The following SPIRE1 variants were observed in gnomAD, a reference collection of about 807,000 sequenced individuals.
The protein encoded by SPIRE1 is spire type actin nucleation factor 1.
SPIRE1 carries 40 observed loss-of-function variants against 94.1 expected under a neutral mutation model. That is an observed-to-expected ratio of 0.43 (90% CI 0.33 to 0.55). The LOEUF is 0.55. SPIRE1 is among the 20% of genes least tolerant of loss of function. The probability of loss-of-function intolerance (pLI) is 0.06; values close to 1 mark genes in which losing one functional copy is unlikely to be tolerated. For synonymous variants in SPIRE1, 376 were observed against 371.7 expected (o/e 1.01, Z -0.13); for missense variants, 838 against 975.2 (o/e 0.86, Z 1.87).
At chr18:12,554,957 C>A (rs1024845136) in intron 2 of SPIRE1, among the ~76,000 whole-genome samples, 1 of 152,140 alleles carries the variant, frequency 6.6e-6, no homozygotes, top group African/African-American at 2.4e-5. Flanking sequence ...CTGAAACTTA[C>A]CAGATCACTG....
At chr18:12,450,876 A>G in intron 16 of SPIRE1, 1 of 725,096 alleles carries the variant, frequency 1.4e-6, no homozygotes, top group Non-Finnish European at 2.5e-6. Context: ...TACACCACTA[A>G]GGCGGCAAAG....
chr18:12,574,035 G>A (rs915772306), intron 2 of SPIRE1, among the ~76,000 whole-genome samples: 2 of 152,072 alleles, frequency 1.3e-5, no homozygotes, highest in African/African-American at 4.8e-5. Context: ...CACCGCTCCC[G>A]GCCGACTTTT....
At chr18:12,633,950 T>C (rs1470881152) in intron 2 of SPIRE1, among the ~76,000 whole-genome samples, 2 of 152,030 alleles carry the variant, frequency 1.3e-5, no homozygotes, top group African/African-American at 4.8e-5. Context: ...ATTAAATTAT[T>C]AAAAAATAAT....
chr18:12,617,595 G>A (rs913650401), intron 2 of SPIRE1, among the ~76,000 whole-genome samples: 1 of 152,114 alleles, frequency 6.6e-6, no homozygotes, highest in African/African-American at 2.4e-5. Flanking sequence ...ATTTTTAGTA[G>A]AGACGGGGTT....
Position 12,601,169 on chromosome 18 carries a change from C to T in SPIRE1, c.372+33893G>A, listed in dbSNP as rs565531806. 3.4e-3 allele frequency among the ~76,000 whole-genome samples: 521 copies of T among 152,042 alleles called. 3 individuals carry two copies. Among genetic ancestry groups the T allele is most frequent in the African/African-American group, 0.012 (498 of 41,446 alleles). ...GGTGCGGTGGCTCACGCCTGTAATC[C>T]CAGCACTCTGGGAGGCCGCGGCAGG... On this transcript the variant is annotated intron_variant, in intron 2 of 16. Coordinates refer to ENST00000409402, the MANE Select transcript of SPIRE1 (RefSeq NM_001128626.2).
intron 3 of SPIRE1, among the ~76,000 whole-genome samples, chr18:12,543,597 G>T (rs2035071544): frequency 6.6e-6 from 1 of 151,984 alleles, no homozygotes; most frequent in Non-Finnish European, 1.5e-5. Flanking sequence ...AATAGAAGGG[G>T]GATATAAAGG....
chr18:12,514,001 G>A (rs2034119110), intron 4 of SPIRE1, among the ~76,000 whole-genome samples: 1 of 151,954 alleles, frequency 6.6e-6, no homozygotes, highest in Admixed American at 6.6e-5. Flanking sequence ...GCACCCCTAT[G>A]CCTGGCTAAT....
chr18:12,529,053 G>T (rs528319399), intron 4 of SPIRE1, among the ~76,000 whole-genome samples: 1 of 152,244 alleles, frequency 6.6e-6, no homozygotes, highest in Non-Finnish European at 1.5e-5. Flanking sequence ...CTAAAAGGGA[G>T]ATAATAGGGC....
At chr18:12,590,913 C>A (rs543886557) in intron 2 of SPIRE1, among the ~76,000 whole-genome samples, 17 of 152,184 alleles carry the variant, frequency 1.1e-4, no homozygotes, top group African/African-American at 4.1e-4. Flanking sequence ...AGTACTTAGC[C>A]AAAATAATAT....
chr18:12,495,580 T>G (rs1319954780), intron 7 of SPIRE1, among the ~76,000 whole-genome samples: 2 of 152,172 alleles, frequency 1.3e-5, no homozygotes, highest in African/African-American at 4.8e-5. Context: ...TTAAGATTTT[T>G]CAGTGACTTA....
At chr18:12,569,262 G>C (rs1050840564) in intron 2 of SPIRE1, among the ~76,000 whole-genome samples, 2 of 150,648 alleles carry the variant, frequency 1.3e-5, no homozygotes, top group Admixed American at 6.7e-5. Context: ...AGAATGGCGT[G>C]AACCTGGGAG....
chr18:12,639,525 A>G (rs1598571808), intron 1 of SPIRE1, among the ~76,000 whole-genome samples: 1 of 152,126 alleles, frequency 6.6e-6, no homozygotes, highest in Non-Finnish European at 1.5e-5. Context: ...CGAGGTCAGG[A>G]GTTCAAGGCC....
At chr18:12,596,162 G>C (rs535031293) in intron 2 of SPIRE1, among the ~76,000 whole-genome samples, 1 of 152,278 alleles carries the variant, frequency 6.6e-6, no homozygotes, top group Non-Finnish European at 1.5e-5. Context: ...TTCAAGTAAA[G>C]TGAAATAGCT....
chr18:12,551,562 G>A (rs901331954), intron 2 of SPIRE1, among the ~76,000 whole-genome samples: 4 of 151,922 alleles, frequency 2.6e-5, no homozygotes, highest in East Asian at 1.9e-4. Flanking sequence ...AAAATTAGCC[G>A]GGCGTGGTGA....
intron 2 of SPIRE1, among the ~76,000 whole-genome samples, chr18:12,630,974 C>T (rs569057899): frequency 2.0e-5 from 3 of 152,236 alleles, no homozygotes; most frequent in South Asian, 2.1e-4. Context: ...TTTGTGACCC[C>T]GTATAACCTC....
intron 4 of SPIRE1, among the ~76,000 whole-genome samples, chr18:12,533,931 T>C (rs978653795): frequency 1.1e-5 from 1 of 87,474 alleles, no homozygotes; most frequent in Non-Finnish European, 2.2e-5. Context: ...AGCTAATCCA[T>C]TACACACACA....
chr18:12,630,343 A>G (rs2037741762), intron 2 of SPIRE1, among the ~76,000 whole-genome samples: 1 of 152,180 alleles, frequency 6.6e-6, no homozygotes, highest in South Asian at 2.1e-4. Flanking sequence ...GTATAAAGCT[A>G]GGCTTGATGC....
At chr18:12,615,944 G>C (rs2037295965) in intron 2 of SPIRE1, among the ~76,000 whole-genome samples, 1 of 152,268 alleles carries the variant, frequency 6.6e-6, no homozygotes, top group Admixed American at 6.5e-5. Flanking sequence ...CTTGTCATGA[G>C]TTGCAGAATT....
At chr18:12,638,421 GT>G (rs1160119447) in intron 1 of SPIRE1, among the ~76,000 whole-genome samples, 1 of 152,172 alleles carries the variant, frequency 6.6e-6, no homozygotes, top group Non-Finnish European at 1.5e-5. Flanking sequence ...TCCAGAACAG[GT>G]GACAGAACAA....
Sources: gnomAD v4.1 joint callset for allele counts (sites outside exome capture counted in the v4.1 genomes callset) on GRCh38, gnomAD v4.1.1 for gene constraint, MANE v1.5 for transcripts, NCBI Gene and HGNC (gene_info 2026-07-23, HGNC 2026-07-21) for gene names.